The following COL23A1 variants were observed in gnomAD, a reference collection of about 807,000 sequenced individuals.
COL23A1 encodes collagen type XXIII alpha 1 chain, also known as collagen alpha-1(XXIII) chain.
Under a neutral mutation model 99.3 loss-of-function variants are expected in COL23A1, and 97 were observed. That is an observed-to-expected ratio of 0.98 (90% CI 0.83 to 1.16). The LOEUF (loss-of-function observed/expected upper bound fraction) is 1.16, where lower values mean the gene tolerates loss of function less well. Ranked by LOEUF, COL23A1 falls within the 50% of genes most tolerant of loss-of-function variation. The pLI is 0.00. For synonymous variants in COL23A1, 320 were observed against 308.2 expected (o/e 1.04, Z -0.40); for missense variants, 762 against 757.4 (o/e 1.01, Z -0.07).
Position 178,589,874 on chromosome 5 carries a change from T to C in COL23A1, c.294+30A>G. On this transcript the variant is annotated intron_variant, in intron 1 of 28. Coordinates refer to ENST00000390654, the MANE Select transcript of COL23A1 (RefSeq NM_173465.4). The surrounding 1 kb of genome is among the most constrained non-coding windows in gnomAD (Gnocchi z 5.4). Reference sequence around the variant, plus strand: ...CCACCCTCAACCCGACACACCCAAGTCCGCCCCAGCCACGCGCCAAGACGC... The same window carrying C: ...CCACCCTCAACCCGACACACCCAAGCCCGCCCCAGCCACGCGCCAAGACGC... The C allele has an allele frequency of 7.8e-7, 1 of 1,287,318 alleles. No individual in the cohort carries two copies. The highest frequency in any genetic ancestry group is 2.4e-5 in the South Asian group (1 of 41,826). 79.7% of individuals were successfully genotyped at this position (1,287,318 alleles called of 1,614,324 possible). A position where few individuals can be genotyped will look rare whatever the true frequency, so the allele number is the denominator to read the frequency against.
intron 2 of COL23A1, among the ~76,000 whole-genome samples, chr5:178,459,389 T>C (rs56098556): frequency 0.023 from 3,542 of 152,254 alleles, 158 homozygotes; most frequent in African/African-American, 0.081. Flanking sequence ...AATTGTGATT[T>C]AGTAATTGCA....
intron 2 of COL23A1, among the ~76,000 whole-genome samples, chr5:178,500,859 A>G (rs1758488552): frequency 1.3e-5 from 2 of 152,182 alleles, no homozygotes; most frequent in Non-Finnish European, 2.9e-5. Context: ...CAAAAGACAG[A>G]TAAGTGCAAC....
At chr5:178,518,583 G>C (rs1373040363) in intron 2 of COL23A1, among the ~76,000 whole-genome samples, 2 of 146,984 alleles carry the variant, frequency 1.4e-5, no homozygotes, top group Admixed American at 6.7e-5. Context: ...TCCCAGATGG[G>C]GCGGCGGGGC....
chr5:178,347,908 C>A (rs1457119798), intron 2 of COL23A1, among the ~76,000 whole-genome samples: 30 of 138,900 alleles, frequency 2.2e-4, no homozygotes, highest in Middle Eastern at 3.8e-3. Flanking sequence ...CCCAAAAAAA[C>A]AAAACAAAAA....
intron 2 of COL23A1, among the ~76,000 whole-genome samples, chr5:178,358,248 G>GTATGTGTGTGTATGTATA (rs796141502): frequency 0.43 from 53,600 of 125,092 alleles, 10,805 homozygotes; most frequent in East Asian, 0.52. Flanking sequence ...GTATGTGTAT[G>GTATGTGTGTGTATGTATA]TGTGTGTATG....
intron 5 of COL23A1, among the ~76,000 whole-genome samples, chr5:178,272,479 CAG>C (rs1404108894): frequency 6.6e-6 from 1 of 152,186 alleles, no homozygotes; most frequent in African/African-American, 2.4e-5. Flanking sequence ...GTTTGGCCAT[CAG>C]AGTGATGGCC....
intron 25 of COL23A1, among the ~76,000 whole-genome samples, chr5:178,244,146 ATTT>A (rs59008283): frequency 5.7e-5 from 8 of 141,136 alleles, no homozygotes; most frequent in African/African-American, 1.0e-4. Context: ...TGCCTGGCTA[ATTT>A]TTTTTTTTTT....
In COL23A1 at chr5:178,238,397, T is replaced by C. The variant is rs1401110094; in HGVS notation, c.*301A>G. On this transcript the variant is annotated 3_prime_UTR_variant, in exon 29 of 29. Coordinates refer to ENST00000390654, the MANE Select transcript of COL23A1 (RefSeq NM_173465.4). ...AGAGTCTCTCTGCTGATCAGGTGAC[T>C]GAAGGCCCAACGTAGCATCTTTCTA... The C allele has an allele frequency of 2.2e-6, 1 of 447,958 alleles. No individual in the cohort carries two copies. The highest frequency in any genetic ancestry group is 2.7e-5 in the South Asian group (1 of 37,454). 27.7% of individuals were successfully genotyped at this position (447,958 alleles called of 1,614,324 possible).
intron 2 of COL23A1, among the ~76,000 whole-genome samples, chr5:178,315,648 G>C (rs1456943116): frequency 1.3e-5 from 2 of 152,158 alleles, no homozygotes; most frequent in Non-Finnish European, 2.9e-5. Flanking sequence ...AAGGGGACAA[G>C]GGCTGGTCAC....
intron 3 of COL23A1, among the ~76,000 whole-genome samples, chr5:178,302,687 T>A (rs1007705510): frequency 6.6e-6 from 1 of 152,226 alleles, no homozygotes; most frequent in Non-Finnish European, 1.5e-5. Context: ...TTTGAACATC[T>A]CATTCCCTAT....
At chr5:178,547,891 C>T (rs1414050796) in intron 2 of COL23A1, among the ~76,000 whole-genome samples, 2 of 71,200 alleles carry the variant, frequency 2.8e-5, no homozygotes, top group South Asian at 5.8e-4. Flanking sequence ...ACCCACACCC[C>T]ACACCCACCC....
chr5:178,489,177 C>T (rs1038925684), intron 2 of COL23A1, among the ~76,000 whole-genome samples: 1 of 152,178 alleles, frequency 6.6e-6, no homozygotes, highest in Non-Finnish European at 1.5e-5. Flanking sequence ...GGGCACCACC[C>T]AACGGCTGGG....
chr5:178,457,055 C>G lies in COL23A1; in HGVS notation c.361+103627G>C, dbSNP rs1261656096. 2.0e-5 allele frequency among the ~76,000 whole-genome samples: 3 copies of G among 152,292 alleles called. No homozygotes were observed. The East Asian group carries it at 5.8e-4, about 29-fold the overall frequency. On this transcript the variant is annotated intron_variant, in intron 2 of 28. Transcript: ENST00000390654. ...TAATCATGGTGCAGGGATACAGGCCCTTCCATGCACACCTTGTTCCAAAAA... is the reference window on the plus strand; with the variant it reads ...TAATCATGGTGCAGGGATACAGGCCGTTCCATGCACACCTTGTTCCAAAAA...
At chr5:178,258,394 GTTTTTTTTT>G in intron 12 of COL23A1, among the ~76,000 whole-genome samples, 1 of 109,086 alleles carries the variant, frequency 9.2e-6, no homozygotes, top group African/African-American at 3.2e-5. Context: ...GATGGGAGAG[GTTTTTTTTT>G]TTTTTTTTTT....
At position 178,544,388 on chromosome 5, in the gene COL23A1, G is replaced by A. The variant is rs189781488; in HGVS notation, c.361+16294C>T. Among the ~76,000 whole-genome samples the A allele has an allele frequency of 6.6e-6, 1 of 152,294 alleles. No homozygotes were observed. Among genetic ancestry groups the A allele is most frequent in the Non-Finnish European group, 1.5e-5 (1 of 68,016 alleles). ...TCAGGGAGGACGCAGGCGCAGGGCC[G>A]GGGAGCTGGGAGGCACCACTTTGCC... On this transcript the variant is annotated intron_variant, in intron 2 of 28. Transcript: ENST00000390654. The surrounding 1 kb of genome is among the most constrained non-coding windows in gnomAD (Gnocchi z 4.4).
Position 178,340,168 on chromosome 5 carries a change from G to A in COL23A1, c.362-33249C>T, listed in dbSNP as rs1318985972. Among the ~76,000 whole-genome samples, 3 of 152,146 alleles carry A rather than the reference G, an allele frequency of 2.0e-5. No individual in the cohort carries two copies. Among genetic ancestry groups the A allele is most frequent in the Admixed American group, 2.0e-4 (3 of 15,278 alleles). On this transcript the variant is annotated intron_variant, in intron 2 of 28. Transcript: ENST00000390654. This position sits in a 1 kb window ranked among gnomAD's most constrained non-coding sequence, Gnocchi z 4.7. ...ATGGGCATCATACTCCCTCCTCACAGCGTTCTCATGAGGAATGCACCTATG... is the reference window on the plus strand; with the variant it reads ...ATGGGCATCATACTCCCTCCTCACAACGTTCTCATGAGGAATGCACCTATG...
chr5:178,435,610 A>C (rs1357409647), intron 2 of COL23A1, among the ~76,000 whole-genome samples: 2 of 152,130 alleles, frequency 1.3e-5, no homozygotes, highest in East Asian at 3.8e-4. Flanking sequence ...AGATAACTAC[A>C]GGATGCATCT....
intron 7 of COL23A1, 24 bp from the exon 8 acceptor site, chr5:178,267,357 G>A: frequency 6.2e-7 from 1 of 1,612,838 alleles, no homozygotes; most frequent in Admixed American, 1.7e-5. Context: ...ACAGGGAGAG[G>A]CATCACCACT....
At chr5:178,504,208 G>A (rs1051604851) in intron 2 of COL23A1, among the ~76,000 whole-genome samples, 6 of 152,018 alleles carry the variant, frequency 3.9e-5, no homozygotes, top group Admixed American at 2.6e-4. Flanking sequence ...CCCGACCCCC[G>A]ATTTCCGATA....
Sources: allele counts gnomAD v4.1 joint callset (sites outside exome capture counted in the v4.1 genomes callset), GRCh38; gene constraint gnomAD v4.1.1; non-coding constraint Gnocchi (gnomAD v3.1); transcripts MANE v1.5; gene names NCBI Gene and HGNC (gene_info 2026-07-23, HGNC 2026-07-21).